The following BABAM2 variants were observed in gnomAD, a reference collection of about 807,000 sequenced individuals.
BABAM2 encodes the protein BRISC and BRCA1-A complex member 2.
BABAM2 carries 31 observed loss-of-function variants against 54.7 expected under a neutral mutation model. The observed-to-expected ratio is 0.57, with a 90% CI of 0.43 to 0.77. The LOEUF is 0.77. Among genes scored for constraint, BABAM2 ranks in the 30% least tolerant of loss-of-function variants. The pLI is 0.00. For synonymous variants in BABAM2, 167 were observed against 162.9 expected, an observed-to-expected ratio of 1.03 and a Z score of -0.19; for missense variants, 364 against 455.8, an observed-to-expected ratio of 0.80 and a Z score of 1.83.
At chr2:28,016,161 T>C (rs1674794866) in intron 4 of BABAM2, 2 of 1,262,840 alleles carry the variant, frequency 1.6e-6, no homozygotes, top group Admixed American at 4.1e-5. Flanking sequence ...CAGAGCTTGA[T>C]GAAGAAGAAG....
intron 6 of BABAM2, among the ~76,000 whole-genome samples, chr2:28,091,462 C>T (rs1032730965): frequency 6.6e-6 from 1 of 152,154 alleles, no homozygotes. Context: ...CTGGATGACA[C>T]TGGAGAACTC....
chr2:27,954,793 G>C (rs1669972044), intron 3 of BABAM2, among the ~76,000 whole-genome samples: 1 of 152,160 alleles, frequency 6.6e-6, no homozygotes, highest in Non-Finnish European at 1.5e-5. Context: ...ATTGCCAATT[G>C]TAAGGCTTTC....
intron 5 of BABAM2, among the ~76,000 whole-genome samples, chr2:28,043,276 A>G (rs1303292478): frequency 6.6e-6 from 1 of 151,666 alleles, no homozygotes; most frequent in Non-Finnish European, 1.5e-5. Flanking sequence ...GATTACAGGC[A>G]CATGCCACCA....
chr2:28,272,166 T>C (rs1305760567), intron 10 of BABAM2, among the ~76,000 whole-genome samples: 1 of 152,226 alleles, frequency 6.6e-6, no homozygotes, highest in Non-Finnish European at 1.5e-5. Context: ...ACCAGCTTAC[T>C]GTTCAAAAAG....
chr2:27,912,232 C>T (rs772342979), intron 2 of BABAM2, among the ~76,000 whole-genome samples: 3 of 151,728 alleles, frequency 2.0e-5, no homozygotes, highest in South Asian at 2.1e-4. Context: ...GACCTACATT[C>T]GCAGACTCCT....
chr2:28,252,361 C>T (rs2148107966), intron 10 of BABAM2, among the ~76,000 whole-genome samples: 1 of 152,174 alleles, frequency 6.6e-6, no homozygotes, highest in South Asian at 2.1e-4. Flanking sequence ...CTACTGAGTC[C>T]TTTAGATACT....
At chr2:28,170,675 G>A (rs75146440) in intron 7 of BABAM2, among the ~76,000 whole-genome samples, 4,332 of 152,170 alleles carry the variant, frequency 0.028, 96 homozygotes, top group Middle Eastern at 0.045. Context: ...TGAACTATAA[G>A]AGAATCATAT....
At chr2:28,308,890 G>A (rs148488325) in intron 11 of BABAM2, 4 of 156,070 alleles carry the variant, frequency 2.6e-5, no homozygotes, top group African/African-American at 7.2e-5. Context: ...ATAAAATGGT[G>A]AAGCCTACTT....
chr2:28,301,713 G>A (rs1688118663), intron 11 of BABAM2, among the ~76,000 whole-genome samples: 1 of 152,080 alleles, frequency 6.6e-6, no homozygotes, highest in African/African-American at 2.4e-5. Context: ...TTTGCCAGCA[G>A]CTCTCTCCCC....
intron 11 of BABAM2, among the ~76,000 whole-genome samples, chr2:28,337,263 C>T (rs1306704705): frequency 6.6e-6 from 1 of 152,140 alleles, no homozygotes; most frequent in Non-Finnish European, 1.5e-5. Context: ...TCACTTTTCT[C>T]CCTCACCTCT....
At chr2:28,169,927 T>C (rs17759709) in intron 7 of BABAM2, among the ~76,000 whole-genome samples, 73,743 of 151,894 alleles carry the variant, frequency 0.49, 18,580 homozygotes, top group Middle Eastern at 0.62. Flanking sequence ...AGTCCCAGTA[T>C]AGTTTTAAGC....
chr2:27,931,775 T>C (rs1421063476), intron 3 of BABAM2, among the ~76,000 whole-genome samples: 1 of 152,192 alleles, frequency 6.6e-6, no homozygotes, highest in Non-Finnish European at 1.5e-5. Context: ...GTATATTCTT[T>C]AGTTTTACAT....
At chr2:27,909,083 C>T (rs1290765096) in intron 2 of BABAM2, among the ~76,000 whole-genome samples, 1 of 152,050 alleles carries the variant, frequency 6.6e-6, no homozygotes, top group Non-Finnish European at 1.5e-5. Flanking sequence ...CACTCTGTCA[C>T]CCAGGCTGGA....
At chr2:27,957,477 A>G (rs1234885872) in intron 3 of BABAM2, among the ~76,000 whole-genome samples, 1 of 152,154 alleles carries the variant, frequency 6.6e-6, no homozygotes, top group Non-Finnish European at 1.5e-5. Context: ...ACATTCCTTG[A>G]GCACATAATT....
intron 10 of BABAM2, among the ~76,000 whole-genome samples, chr2:28,252,907 A>G (rs920319484): frequency 3.3e-5 from 5 of 152,230 alleles, no homozygotes; most frequent in Non-Finnish European, 5.9e-5. Context: ...CAAATTAACA[A>G]CTGTAACTCA....
At chr2:28,033,800 G>GTTT (rs11399848) in intron 5 of BABAM2, among the ~76,000 whole-genome samples, 2 of 148,506 alleles carry the variant, frequency 1.3e-5, no homozygotes. Flanking sequence ...TGATTAAAGT[G>GTTT]TTTTTTTTTT....
chr2:28,292,317 C>CTT (rs1339888519), intron 10 of BABAM2, among the ~76,000 whole-genome samples: 1 of 152,190 alleles, frequency 6.6e-6, no homozygotes, highest in Non-Finnish European at 1.5e-5. Flanking sequence ...CAAAACTGAA[C>CTT]TTTCCAGACA....
intron 10 of BABAM2, among the ~76,000 whole-genome samples, chr2:28,274,227 C>T (rs1685680122): frequency 6.6e-6 from 1 of 152,176 alleles, no homozygotes; most frequent in Non-Finnish European, 1.5e-5. Context: ...TTCTCCTTGA[C>T]CTCCTCATCT....
chr2:28,066,205 A>C (rs193148562), intron 6 of BABAM2, among the ~76,000 whole-genome samples: 1 of 151,492 alleles, frequency 6.6e-6, no homozygotes, highest in Non-Finnish European at 1.5e-5. Context: ...AATAAAAAAA[A>C]CAGCCACGAT....
Sources: gnomAD v4.1 joint callset for allele counts (sites outside exome capture counted in the v4.1 genomes callset) on GRCh38, gnomAD v4.1.1 for gene constraint, MANE v1.5 for transcripts, NCBI Gene and HGNC (gene_info 2026-07-23, HGNC 2026-07-21) for gene names.